Variants in ATP6V1A observed in about 807,000 individuals in gnomAD.
ATP6V1A encodes ATPase H+ transporting V1 subunit A, also known as V-type proton ATPase catalytic subunit A.
ATP6V1A carries 18 observed loss-of-function variants against 70.1 expected under a neutral mutation model. The ratio of observed to expected loss-of-function variants is 0.26; its 90% CI spans 0.18 to 0.38. The LOEUF (loss-of-function observed/expected upper bound fraction) is 0.38. Ranked by LOEUF, ATP6V1A falls within the 10% of genes least tolerant of loss-of-function variation. ATP6V1A has a pLI of 1.00. For synonymous variants in ATP6V1A, 232 were observed against 253.8 expected (o/e 0.91, Z 0.82); for missense variants, 424 against 772.4 (o/e 0.55, Z 5.35).
At chr3:113,761,396 C>G (rs1324639589) in intron 1 of ATP6V1A, among the ~76,000 whole-genome samples, 1 of 150,252 alleles carries the variant, frequency 6.7e-6, no homozygotes, top group Non-Finnish European at 1.5e-5. Context: ...GCAAAGCCAT[C>G]AAAATTTGCT....
chr3:113,787,032 G>C (rs568173762), intron 6 of ATP6V1A, among the ~76,000 whole-genome samples: 1 of 152,158 alleles, frequency 6.6e-6, no homozygotes, highest in East Asian at 1.9e-4. Flanking sequence ...CACCTGCCTT[G>C]GCCTCCCAAA....
chr3:113,761,119 T>A (rs1230446164), intron 1 of ATP6V1A, among the ~76,000 whole-genome samples: 2 of 152,024 alleles, frequency 1.3e-5, no homozygotes, highest in Admixed American at 1.3e-4. Context: ...TTTTTCTTTT[T>A]TTTTGAGACA....
chr3:113,795,885 A>C lies in ATP6V1A; in HGVS notation c.1236A>C (p.Pro412=). ...GSVSIVGAVS[P]PGGDFSDPVT... is the part of the protein sequence containing the mutation. The stretch of plus-strand genomic sequence containing the variant: ...TTTTTTTTAAATTTAGAGTTTCTCC[A>C]CCTGGTGGTGATTTTTCTGATCCAG... The change falls in exon 11 of 15, where the codon CCA becomes CCC. Residue 412 remains proline, a synonymous_variant. Coordinates refer to ENST00000273398, the MANE Select transcript of ATP6V1A (RefSeq NM_001690.4). 6.2e-7 allele frequency: 1 copy of C among 1,609,622 alleles called. No homozygotes were observed. The highest frequency in any genetic ancestry group is 8.5e-7 in the Non-Finnish European group (1 of 1,178,946).
rs1399776974 is a variant in ATP6V1A, at chr3:113,798,380, G to A, written c.1428G>A (p.Arg476=). 4 of 1,613,920 alleles carry A rather than the reference G, an allele frequency of 2.5e-6. No individual in the cohort carries two copies. The highest frequency in any genetic ancestry group is 2.2e-5 in the South Asian group (2 of 91,074). Residue 476 remains arginine (R), a synonymous_variant, in exon 12 of 15, where the codon AGG becomes AGA. Transcript: ENST00000273398. The part of the protein sequence containing the change: ...DKHFTEFVPL[R]TKAKEILQEE... Reference sequence around the variant, plus strand: ...ACTTCACAGAGTTCGTTCCTCTGAGGACGAAAGCTAAGGAAATTCTGCAGG... The same window carrying A: ...ACTTCACAGAGTTCGTTCCTCTGAGAACGAAAGCTAAGGAAATTCTGCAGG...
Position 113,805,418 on chromosome 3 carries a change from C to T in ATP6V1A, c.1654C>T (p.Arg552Cys), listed in dbSNP as rs1383337162. 8 of 1,613,860 alleles carry T rather than the reference C, an allele frequency of 5.0e-6. No individual in the cohort carries two copies. Among genetic ancestry groups the T allele is most frequent in the Admixed American group, 3.3e-5 (2 of 59,992 alleles). The stretch of plus-strand genomic sequence containing the variant: ...CATGATTGCATTTTATGATATGGCT[C>T]GTAGAGCTGTTGAAACCACTGCCCA... ...SNMIAFYDMA[R>C]RAVETTAQSD... Residue 552 changes from arginine (R) to cysteine (C), a missense_variant, in exon 14 of 15, where the codon CGT becomes TGT. Physicochemically the swap from Arg to Cys is radical, Grantham distance 180. Around this residue, in one of 9 missense-constraint regions of ATP6V1A, gnomAD observed 127 missense variants for 207.9 expected, o/e 0.61. Coordinates refer to ENST00000273398, the MANE Select transcript of ATP6V1A (RefSeq NM_001690.4).
chr3:113,764,527 A>T (rs1224385303), intron 1 of ATP6V1A, among the ~76,000 whole-genome samples: 1 of 152,194 alleles, frequency 6.6e-6, no homozygotes, highest in Non-Finnish European at 1.5e-5. Flanking sequence ...AATTATAAGC[A>T]TATTGCTTCT....
At chr3:113,751,099 A>G (rs561017148) in intron 1 of ATP6V1A, among the ~76,000 whole-genome samples, 1 of 152,278 alleles carries the variant, frequency 6.6e-6, no homozygotes, top group East Asian at 1.9e-4. Context: ...TATTCCTGCA[A>G]TGGATTATAG....
rs192591106 is a variant in ATP6V1A, at chr3:113,781,284, A to T, written c.211+106A>T. The T allele has an allele frequency of 9.5e-6, 12 of 1,269,282 alleles. 1 individual carries two copies. The Admixed American group carries it at 1.3e-4, about 14-fold the overall frequency. 78.6% of individuals were successfully genotyped at this position (1,269,282 alleles called of 1,614,324 possible). The stretch of plus-strand genomic sequence containing the variant: ...AAGTAATCCCAGCACTTTGGGAGGC[A>T]GGCAGGTGGATCACCTGAGGTCAGG... On this transcript the variant is annotated intron_variant, in intron 3 of 14. Coordinates refer to ENST00000273398, the MANE Select transcript of ATP6V1A (RefSeq NM_001690.4).
chr3:113,793,358 T>C (rs1165108232), intron 8 of ATP6V1A, among the ~76,000 whole-genome samples: 1 of 152,202 alleles, frequency 6.6e-6, no homozygotes, highest in Non-Finnish European at 1.5e-5. Flanking sequence ...CCACCGCGCC[T>C]GGCCAGAAAC....
rs1030734428 is a variant in ATP6V1A at position 113,769,806 on chromosome 3, G to GT, written c.-13-8930dup. On this transcript the variant is annotated intron_variant, in intron 1 of 14. Transcript: ENST00000273398. ...TTTCCTCTTCTACCACAGGGTTTTG[G>GT]TTTTTGTTTAAATCTTTCACAAATT... 4.6e-5 allele frequency among the ~76,000 whole-genome samples: 7 copies of GT among 152,066 alleles called. 1 individual carries two copies. The highest frequency in any genetic ancestry group is 1.3e-4 in the Admixed American group (2 of 15,264).
At chr3:113,767,153 G>A (rs78726165) in intron 1 of ATP6V1A, among the ~76,000 whole-genome samples, 2,964 of 147,252 alleles carry the variant, frequency 0.02, 35 homozygotes, top group Non-Finnish European at 0.029. Flanking sequence ...GTGCAGTGGC[G>A]TGATCTTGGC....
At chr3:113,747,487 C>T (rs545342386) in intron 1 of ATP6V1A, 4 of 152,432 alleles carry the variant, frequency 2.6e-5, no homozygotes, top group African/African-American at 9.6e-5. Flanking sequence ...TCCTTACCCT[C>T]AGCTCAGGGC....
intron 1 of ATP6V1A, among the ~76,000 whole-genome samples, chr3:113,767,787 A>G (rs1176523515): frequency 6.6e-6 from 1 of 151,894 alleles, no homozygotes. Flanking sequence ...AGTAGCTGGG[A>G]TTATAGGCAC....
At chr3:113,767,212 G>A (rs143865908) in intron 1 of ATP6V1A, among the ~76,000 whole-genome samples, 3 of 149,666 alleles carry the variant, frequency 2.0e-5, no homozygotes, top group Admixed American at 6.7e-5. Flanking sequence ...CTGCCTCAGC[G>A]CCCCGAGTAG....
intron 1 of ATP6V1A, among the ~76,000 whole-genome samples, chr3:113,759,393 C>T (rs968310662): frequency 6.6e-6 from 1 of 150,796 alleles, no homozygotes; most frequent in Non-Finnish European, 1.5e-5. Context: ...TGTCAAAAGC[C>T]AGTTGTCCAT....
intron 6 of ATP6V1A, among the ~76,000 whole-genome samples, chr3:113,787,075 C>A (rs141178981): frequency 2.6e-5 from 4 of 152,178 alleles, no homozygotes; most frequent in African/African-American, 9.7e-5. Context: ...CCATTGCACC[C>A]GGCCACCATG....
At chr3:113,807,707 GTAA>G (rs1709292231) in intron 14 of ATP6V1A, among the ~76,000 whole-genome samples, 1 of 152,122 alleles carries the variant, frequency 6.6e-6, no homozygotes, top group Admixed American at 6.6e-5. Flanking sequence ...TATACCTGTA[GTAA>G]TGATGATTTC....
At position 113,809,959 on chromosome 3, in the gene ATP6V1A, C is replaced by T. The variant is rs997354900; in HGVS notation, c.*532C>T. The T allele has an allele frequency of 2.6e-5, 4 of 152,210 alleles. No individual in the cohort carries two copies. The highest frequency in any genetic ancestry group is 5.9e-5 in the Non-Finnish European group (4 of 68,042). 9.4% of individuals were successfully genotyped at this position (152,210 alleles called of 1,614,324 possible). A position where few individuals can be genotyped will look rare whatever the true frequency, so the allele number is the denominator to read the frequency against. ...CATAATGATTAATGTTCCAATTATGCATCACTTCCCCCAGTATAAATCAGG... is the reference window on the plus strand; with the variant it reads ...CATAATGATTAATGTTCCAATTATGTATCACTTCCCCCAGTATAAATCAGG... On this transcript the variant is annotated 3_prime_UTR_variant, in exon 15 of 15. Transcript: ENST00000273398.
rs867177424 is a variant in ATP6V1A, at chr3:113,771,786, T to G, written c.-13-6955T>G. 3.9e-5 allele frequency among the ~76,000 whole-genome samples: 6 copies of G among 152,264 alleles called. No individual in the cohort carries two copies. In the South Asian group the frequency reaches 1.2e-3, roughly 32 times the overall value. ...TTTCTTATTTTTATGGATACATAAG[T>G]GTATATATTTATAAGGTACATATTT... On this transcript the variant is annotated intron_variant, in intron 1 of 14. Transcript: ENST00000273398.
Sources: allele counts gnomAD v4.1 joint callset (sites outside exome capture counted in the v4.1 genomes callset), GRCh38; gene constraint gnomAD v4.1.1; regional missense constraint gnomAD v4.1.1; transcripts MANE v1.5; gene names NCBI Gene and HGNC (gene_info 2026-07-23, HGNC 2026-07-21).